The following SPHKAP variants were observed in gnomAD, a reference collection of about 807,000 sequenced individuals.
SPHKAP encodes SPHK1 interactor, AKAP domain containing.
SPHKAP carries 67 observed loss-of-function variants against 137.5 expected under a neutral mutation model. The observed-to-expected ratio is 0.49, with a 90% CI of 0.40 to 0.60. The LOEUF is 0.60. SPHKAP is among the 20% of genes least tolerant of loss of function. SPHKAP has a pLI of 0.00. For synonymous variants in SPHKAP, 813 were observed against 785.3 expected (o/e 1.04, Z -0.59); for missense variants, 2,097 against 2,069.3 (o/e 1.01, Z -0.26).
In SPHKAP at chr2:228,180,718, C is replaced by A. The variant is rs570664123; in HGVS notation, c.32+849G>T. Among the ~76,000 whole-genome samples the A allele has an allele frequency of 6.3e-4, 96 of 152,332 alleles. 1 individual carries two copies. The highest frequency in any genetic ancestry group is 2.2e-3 in the African/African-American group (92 of 41,592). ...GCAAAGAGCGCAAAGGCCACCTGCC[C>A]GGCTGGGGGAGCAGGCCCAGCACCA... On this transcript the variant is annotated intron_variant, in intron 1 of 11. Transcript: ENST00000392056.
intron 1 of SPHKAP, among the ~76,000 whole-genome samples, chr2:228,142,767 G>A (rs1383089789): frequency 3.3e-5 from 5 of 152,146 alleles, no homozygotes; most frequent in Non-Finnish European, 7.4e-5. Flanking sequence ...TAATATCTGA[G>A]TGATGAAATA....
At chr2:228,123,115 C>T (rs1469829290) in intron 2 of SPHKAP, among the ~76,000 whole-genome samples, 1 of 152,190 alleles carries the variant, frequency 6.6e-6, no homozygotes, top group Non-Finnish European at 1.5e-5. Context: ...ATCCAGTATT[C>T]CCCTCCTGGG....
At chr2:228,077,698 G>T (rs1459872949) in intron 3 of SPHKAP, among the ~76,000 whole-genome samples, 1 of 152,192 alleles carries the variant, frequency 6.6e-6, no homozygotes, top group African/African-American at 2.4e-5. Flanking sequence ...TCTCAGATGA[G>T]ACTTTGGACT....
chr2:228,101,718 A>G (rs1483370150), intron 3 of SPHKAP, among the ~76,000 whole-genome samples: 1 of 152,214 alleles, frequency 6.6e-6, no homozygotes, highest in Non-Finnish European at 1.5e-5. Flanking sequence ...AGGGGAGCCT[A>G]TGGGGTTCAA....
intron 3 of SPHKAP, among the ~76,000 whole-genome samples, chr2:228,083,008 A>C (rs2106317093): frequency 6.6e-6 from 1 of 152,294 alleles, no homozygotes; most frequent in East Asian, 1.9e-4. Flanking sequence ...CTGTTTGAAC[A>C]ATTTCTTTAT....
intron 7 of SPHKAP, among the ~76,000 whole-genome samples, chr2:228,008,452 AC>A (rs746198057): frequency 1.3e-5 from 2 of 152,062 alleles, no homozygotes; most frequent in Admixed American, 1.3e-4. Context: ...ACACCATCAC[AC>A]CCAACTAATT....
chr2:228,044,344 CTTCT>C (rs890911872), intron 3 of SPHKAP, among the ~76,000 whole-genome samples: 1 of 152,148 alleles, frequency 6.6e-6, no homozygotes, highest in Non-Finnish European at 1.5e-5. Context: ...AGGAGAGGTG[CTTCT>C]TTTTTTAACG....
chr2:228,163,006 C>T (rs750839796), intron 1 of SPHKAP, among the ~76,000 whole-genome samples: 4 of 152,176 alleles, frequency 2.6e-5, no homozygotes, highest in African/African-American at 9.6e-5. Flanking sequence ...CCACAAAGCC[C>T]TTCTTAAAGC....
At chr2:228,129,448 C>A (rs766199471) in intron 2 of SPHKAP, among the ~76,000 whole-genome samples, 11 of 152,102 alleles carry the variant, frequency 7.2e-5, no homozygotes, top group South Asian at 2.1e-4. Context: ...TATCCCAAAC[C>A]ATGCTGTGAA....
intron 2 of SPHKAP, among the ~76,000 whole-genome samples, chr2:228,120,183 T>C (rs1329711777): frequency 6.6e-6 from 1 of 151,838 alleles, no homozygotes; most frequent in Non-Finnish European, 1.5e-5. Flanking sequence ...TGAAGGGGGG[T>C]AGGAGGGAAG....
chr2:228,108,725 C>A (rs1698418951), intron 3 of SPHKAP, 107 bp downstream of exon 3: 3 of 724,946 alleles, frequency 4.1e-6, no homozygotes, highest in Non-Finnish European at 6.9e-6. Context: ...GGAATATTTT[C>A]TCAACTTGGT....
chr2:228,070,701 G>A (rs1696978711), intron 3 of SPHKAP, among the ~76,000 whole-genome samples: 1 of 152,028 alleles, frequency 6.6e-6, no homozygotes, highest in Non-Finnish European at 1.5e-5. Flanking sequence ...TGGGCTCAAT[G>A]GCTTTTACAG....
intron 1 of SPHKAP, among the ~76,000 whole-genome samples, chr2:228,154,456 C>G (rs1265158578): frequency 8.4e-6 from 1 of 119,040 alleles, no homozygotes; most frequent in African/African-American, 3.1e-5. Flanking sequence ...TTATTAAATT[C>G]TATTTTTGTA....
chr2:228,008,213 G>T (rs1174735555), intron 7 of SPHKAP, among the ~76,000 whole-genome samples: 1 of 151,186 alleles, frequency 6.6e-6, no homozygotes, highest in African/African-American at 2.4e-5. Flanking sequence ...TTCTTTTATA[G>T]ATTGTGCCTT....
intron 7 of SPHKAP, among the ~76,000 whole-genome samples, chr2:228,002,671 G>A (rs1405865330): frequency 2.0e-5 from 3 of 152,252 alleles, no homozygotes; most frequent in South Asian, 4.2e-4. Flanking sequence ...GTATTGCCTA[G>A]GTTTTCTTCT....
chr2:228,047,551 A>G (rs1454155473), intron 3 of SPHKAP, among the ~76,000 whole-genome samples: 1 of 152,190 alleles, frequency 6.6e-6, no homozygotes, highest in Non-Finnish European at 1.5e-5. Flanking sequence ...AAGTTAAGCA[A>G]AACATGCCAA....
intron 3 of SPHKAP, among the ~76,000 whole-genome samples, chr2:228,092,455 T>C (rs1248585676): frequency 8.1e-4 from 44 of 54,650 alleles, no homozygotes; most frequent in Non-Finnish European, 1.2e-3. Flanking sequence ...TATATATGTA[T>C]ACATATATGT....
At chr2:228,005,860 G>A (rs1449443264) in intron 7 of SPHKAP, among the ~76,000 whole-genome samples, 1 of 152,202 alleles carries the variant, frequency 6.6e-6, no homozygotes, top group Non-Finnish European at 1.5e-5. Context: ...TTTTCTTTAA[G>A]AATGTTGAAT....
chr2:228,075,565 C>G (rs1474881542), intron 3 of SPHKAP, among the ~76,000 whole-genome samples: 4 of 151,780 alleles, frequency 2.6e-5, no homozygotes, highest in African/African-American at 4.8e-5. Context: ...GCTTATAGGA[C>G]TAAAAATACT....
Sources: allele counts gnomAD v4.1 joint callset (sites outside exome capture counted in the v4.1 genomes callset), GRCh38; gene constraint gnomAD v4.1.1; transcripts MANE v1.5; gene names NCBI Gene and HGNC (gene_info 2026-07-23, HGNC 2026-07-21).